The following DIP2A variants were observed in gnomAD, a reference collection of about 807,000 sequenced individuals.
DIP2A encodes DIP2 acetate--CoA ligase A, also known as disco-interacting protein 2 homolog A.
Under a neutral mutation model 177.4 loss-of-function variants are expected in DIP2A, and 85 were observed. The observed-to-expected ratio is 0.48, with a 90% CI of 0.40 to 0.57. DIP2A has a LOEUF of 0.57. Ranked by LOEUF, DIP2A falls within the 20% of genes least tolerant of loss-of-function variation. The pLI is 0.00. For missense variants in DIP2A, 1,791 were observed against 2,100.2 expected, an observed-to-expected ratio of 0.85 and a Z score of 2.88; for synonymous variants, 886 against 881.8, an observed-to-expected ratio of 1.00 and a Z score of -0.08.
chr21:46,532,404 C>T (rs985314420), intron 10 of DIP2A, among the ~76,000 whole-genome samples, 167 bp downstream of exon 10: 2 of 152,134 alleles, frequency 1.3e-5, no homozygotes, highest in Admixed American at 6.5e-5. Context: ...AATCAGATGC[C>T]GTTTTGCCTG....
At chr21:46,490,757 G>C (rs1279143189) in intron 3 of DIP2A, 38 bp downstream of exon 3, 2 of 1,525,426 alleles carry the variant, frequency 1.3e-6, no homozygotes, top group Non-Finnish European at 8.8e-7. Flanking sequence ...AGGTGGACGG[G>C]CCTGGAGCCC....
At chr21:46,545,415 A>G (rs2059988906) in intron 19 of DIP2A, 142 bp downstream of exon 19, 1 of 998,754 alleles carries the variant, frequency 1.0e-6, no homozygotes, top group African/African-American at 1.6e-5. Flanking sequence ...CTGTTGGCAC[A>G]TGGCCTGCAC....
intron 32 of DIP2A, among the ~76,000 whole-genome samples, chr21:46,559,434 G>A (rs942384150): frequency 4.6e-5 from 7 of 152,202 alleles, no homozygotes; most frequent in Admixed American, 2.0e-4. Context: ...GGCAGTGCAC[G>A]CAGGGCAGGG....
intron 1 of DIP2A, among the ~76,000 whole-genome samples, chr21:46,475,287 C>T (rs915605517): frequency 2.0e-5 from 3 of 152,182 alleles, no homozygotes; most frequent in Non-Finnish European, 4.4e-5. Context: ...CATTAAATAC[C>T]TGCTATTTTA....
chr21:46,578,492 T>C, the DIP2A span, among the ~76,000 whole-genome samples: 3 of 152,210 alleles, frequency 2.0e-5, no homozygotes, highest in South Asian at 2.1e-4. Flanking sequence ...TCCAATGTTA[T>C]GTTGAATAGG....
intron 32 of DIP2A, 180 bp downstream of exon 32, chr21:46,558,573 A>T: frequency 1.5e-6 from 1 of 658,562 alleles, no homozygotes; most frequent in East Asian, 2.8e-5. Context: ...AAGATGTTCT[A>T]TTCTAGTTGG....
intron 10 of DIP2A, among the ~76,000 whole-genome samples, chr21:46,533,252 G>A (rs997295421): frequency 7.2e-5 from 11 of 152,160 alleles, no homozygotes; most frequent in African/African-American, 2.7e-4. Flanking sequence ...TCATTTGTAA[G>A]AATAAACTTT....
chr21:46,490,922 TG>T (rs1011364765), intron 3 of DIP2A, among the ~76,000 whole-genome samples: 1 of 152,252 alleles, frequency 6.6e-6, no homozygotes, highest in East Asian at 1.9e-4. Context: ...TAATGTATGG[TG>T]TAGCTTTAGT....
intron 25 of DIP2A, among the ~76,000 whole-genome samples, chr21:46,552,656 G>T (rs897666403): frequency 3.3e-5 from 5 of 152,130 alleles, no homozygotes; most frequent in Admixed American, 6.5e-5. Context: ...AATACTTAAT[G>T]ATGCCTACAA....
intron 8 of DIP2A, chr21:46,525,693 A>G (rs2059044981): frequency 6.6e-6 from 1 of 152,126 alleles, no homozygotes; most frequent in Admixed American, 6.5e-5. Context: ...TGCAAGGATG[A>G]CACACTTTTG....
downstream of DIP2A, among the ~76,000 whole-genome samples, chr21:46,573,562 T>C (rs567108751): frequency 1.1e-4 from 16 of 144,500 alleles, no homozygotes; most frequent in Admixed American, 4.4e-4. Context: ...GAATATTCCT[T>C]GAGCCTGATG....
chr21:46,471,618 A>G (rs2055390375), intron 1 of DIP2A, among the ~76,000 whole-genome samples: 1 of 152,186 alleles, frequency 6.6e-6, no homozygotes. Context: ...TAGCAAAGAA[A>G]ACTATTGTCA....
At chr21:46,554,798 C>T (rs745568442) in intron 27 of DIP2A, 24 bp from the exon 28 acceptor site, 2 of 1,112,474 alleles carry the variant, frequency 1.8e-6, no homozygotes, top group Non-Finnish European at 2.6e-6. Flanking sequence ...CCCGCCCACC[C>T]ACCCTTGGCC....
Position 46,554,159 on chromosome 21 carries a change from G to A in DIP2A, c.3031-10G>A, listed in dbSNP as rs746750667. On this transcript the variant is annotated splice_polypyrimidine_tract_variant and intron_variant, in intron 25 of 37. Coordinates refer to ENST00000417564, the MANE Select transcript of DIP2A (RefSeq NM_015151.4). The stretch of plus-strand genomic sequence containing the variant: ...CAGCATACAGATGAGCTCAAAGATC[G>A]CTTTCCTAGGGCACCGTCACAAGCA... 1.2e-5 allele frequency: 19 copies of A among 1,611,764 alleles called. No homozygotes were observed. Among genetic ancestry groups the A allele is most frequent in the African/African-American group, 9.3e-5 (7 of 74,894 alleles).
chr21:46,500,836 T>C (rs970151834), intron 5 of DIP2A, among the ~76,000 whole-genome samples: 19 of 152,350 alleles, frequency 1.2e-4, no homozygotes, highest in African/African-American at 4.6e-4. Context: ...GCTGCAATTA[T>C]TTATAATGTA....
intron 20 of DIP2A, 98 bp from the exon 21 acceptor site, chr21:46,546,817 T>G: frequency 7.1e-7 from 1 of 1,415,542 alleles, no homozygotes; most frequent in Non-Finnish European, 9.7e-7. Flanking sequence ...TAGAGGCTCC[T>G]GTGCTGTTGG....
chr21:46,567,333 C>T (rs778032149), intron 37 of DIP2A, 37 bp from the exon 38 acceptor site: 2 of 1,591,272 alleles, frequency 1.3e-6, no homozygotes, highest in African/African-American at 2.7e-5. Flanking sequence ...TGACCTGTGC[C>T]TGTATCCATG....
At chr21:46,555,338 A>G (rs765518527) in intron 28 of DIP2A, among the ~76,000 whole-genome samples, 1 of 152,224 alleles carries the variant, frequency 6.6e-6, no homozygotes, top group Non-Finnish European at 1.5e-5. Flanking sequence ...GAGGGCCAAC[A>G]GGGTGAGGGT....
In DIP2A at chr21:46,566,561, G is replaced by A. The variant is rs776502011; in HGVS notation, c.4341G>A (p.Gly1447=). ...RRTELTDASG[G]RHDALYVVGS... Reference sequence around the variant, plus strand: ...CGTGTAAACACACACTGTTCACAGGGCGGCACGATGCACTGTATGTGGTTG... The same window carrying A: ...CGTGTAAACACACACTGTTCACAGGACGGCACGATGCACTGTATGTGGTTG... Residue 1447 remains glycine, a splice_region_variant and synonymous_variant, in exon 37 of 38, where the codon GGG becomes GGA. Transcript: ENST00000417564. 1 of 1,614,054 alleles carries A rather than the reference G, an allele frequency of 6.2e-7. No individual in the cohort carries two copies. Among genetic ancestry groups the A allele is most frequent in the South Asian group, 1.1e-5 (1 of 91,080 alleles).
Sources: gnomAD v4.1 joint callset for allele counts (sites outside exome capture counted in the v4.1 genomes callset) on GRCh38, gnomAD v4.1.1 for gene constraint, MANE v1.5 for transcripts, NCBI Gene and HGNC (gene_info 2026-07-23, HGNC 2026-07-21) for gene names.